The following PCDH9 variants were observed in gnomAD, a reference collection of about 807,000 sequenced individuals.
PCDH9 encodes protocadherin-9.
Under a neutral mutation model 70.6 loss-of-function variants are expected in PCDH9, and 24 were observed. That is an observed-to-expected ratio of 0.34 (90% confidence interval 0.25 to 0.48). The LOEUF is 0.48. Ranked by LOEUF, PCDH9 falls within the 20% of genes least tolerant of loss-of-function variation. The pLI, the probability that PCDH9 is intolerant of heterozygous loss-of-function variation, is 0.99. For missense variants in PCDH9, 1,281 were observed against 1,503.6 expected (o/e 0.85, Z 2.45); for synonymous variants, 562 against 558.5 (o/e 1.01, Z -0.09).
intron 2 of PCDH9, among the ~76,000 whole-genome samples, chr13:66,986,175 A>C (rs1006324282): frequency 2.8e-4 from 43 of 152,000 alleles, no homozygotes; most frequent in African/African-American, 9.9e-4. Flanking sequence ...TGCTGATCCA[A>C]GGGGGAAAAG....
At chr13:67,055,361 A>C (rs1461801533) in intron 2 of PCDH9, among the ~76,000 whole-genome samples, 1 of 152,224 alleles carries the variant, frequency 6.6e-6, no homozygotes, top group South Asian at 2.1e-4. Context: ...TAAGATAGTT[A>C]CATGTATATT....
chr13:67,116,951 T>C (rs761907658), intron 2 of PCDH9, among the ~76,000 whole-genome samples: 2 of 152,178 alleles, frequency 1.3e-5, no homozygotes, highest in Non-Finnish European at 2.9e-5. Flanking sequence ...GGCCAAATTT[T>C]ATTCACGACT....
intron 3 of PCDH9, among the ~76,000 whole-genome samples, chr13:66,776,995 T>A (rs888921636): frequency 5.3e-5 from 8 of 151,500 alleles, no homozygotes; most frequent in African/African-American, 1.9e-4. Flanking sequence ...AACTATCTGA[T>A]CTTTGACAAA....
At chr13:66,530,837 T>G (rs1960419373) in intron 4 of PCDH9, among the ~76,000 whole-genome samples, 1 of 152,116 alleles carries the variant, frequency 6.6e-6, no homozygotes, top group Admixed American at 6.6e-5. Flanking sequence ...CACTAACTGC[T>G]GAAATATATA....
At chr13:66,322,663 T>A (rs980842801) in intron 4 of PCDH9, among the ~76,000 whole-genome samples, 2 of 152,046 alleles carry the variant, frequency 1.3e-5, no homozygotes, top group African/African-American at 4.8e-5. Context: ...ACTTGTTTTT[T>A]CAGATAGAAA....
At chr13:66,877,864 T>C (rs762797987) in intron 3 of PCDH9, among the ~76,000 whole-genome samples, 1 of 152,164 alleles carries the variant, frequency 6.6e-6, no homozygotes, top group Non-Finnish European at 1.5e-5. Context: ...CAGTAAAAAA[T>C]AGGGAACACT....
chr13:66,928,230 T>C (rs1244583890), intron 2 of PCDH9, among the ~76,000 whole-genome samples: 2 of 152,044 alleles, frequency 1.3e-5, no homozygotes, highest in Non-Finnish European at 2.9e-5. Context: ...AAGAGAAATA[T>C]TCTGATTTTT....
intron 3 of PCDH9, among the ~76,000 whole-genome samples, chr13:66,812,360 T>A (rs1022836977): frequency 3.3e-5 from 5 of 151,934 alleles, no homozygotes; most frequent in African/African-American, 7.3e-5. Flanking sequence ...CAAAAAAAAA[T>A]CCTGGAAGGA....
At chr13:66,323,098 A>C (rs1420270176) in intron 4 of PCDH9, 1 of 152,066 alleles carries the variant, frequency 6.6e-6, no homozygotes, top group Non-Finnish European at 1.5e-5. Context: ...CAAGATTAGC[A>C]GTGCAGATGT....
intron 3 of PCDH9, among the ~76,000 whole-genome samples, chr13:66,679,972 A>G (rs565231818): frequency 6.6e-6 from 1 of 152,110 alleles, no homozygotes; most frequent in South Asian, 2.1e-4. Flanking sequence ...ACTACTAAAA[A>G]ATTCTGATAA....
chr13:66,391,887 T>TATAG (rs1957024508), intron 4 of PCDH9, among the ~76,000 whole-genome samples: 1 of 142,864 alleles, frequency 7.0e-6, no homozygotes, highest in Non-Finnish European at 1.5e-5. Context: ...TATATGCATA[T>TATAG]ATATATATAT....
rs182693534 is a variant in PCDH9 at position 66,962,546 on chromosome 13, G to T, written c.3037-58941C>A. Among the ~76,000 whole-genome samples, 44 of 152,322 alleles carry T rather than the reference G, an allele frequency of 2.9e-4. No individual in the cohort carries two copies. In the East Asian group the frequency reaches 8.1e-3, roughly 28 times the overall value. Reference sequence around the variant, plus strand: ...CCTAGGTTATATGGTATAGGCTATTGCTTCTAGCCTACAAAACCTAGTGTT... The same window carrying T: ...CCTAGGTTATATGGTATAGGCTATTTCTTCTAGCCTACAAAACCTAGTGTT... On this transcript the variant is annotated intron_variant, in intron 2 of 4. Transcript: ENST00000377865.
intron 4 of PCDH9, among the ~76,000 whole-genome samples, chr13:66,610,499 A>G (rs1242089188): frequency 6.6e-6 from 1 of 152,170 alleles, no homozygotes; most frequent in Non-Finnish European, 1.5e-5. Flanking sequence ...AATTGATAGA[A>G]TATAGGCCAA....
intron 2 of PCDH9, among the ~76,000 whole-genome samples, chr13:67,028,829 A>G (rs260144): frequency 0.023 from 3,537 of 152,242 alleles, 133 homozygotes; most frequent in African/African-American, 0.079. Flanking sequence ...TGAATAATCT[A>G]TAAATTTAAA....
intron 2 of PCDH9, chr13:66,914,903 A>T (rs1316887036): frequency 6.6e-6 from 1 of 151,778 alleles, no homozygotes; most frequent in Non-Finnish European, 1.5e-5. Context: ...AGATAGTGTT[A>T]TTTCTACAAT....
At chr13:66,396,115 A>G (rs1376845792) in intron 4 of PCDH9, among the ~76,000 whole-genome samples, 1 of 152,170 alleles carries the variant, frequency 6.6e-6, no homozygotes, top group Non-Finnish European at 1.5e-5. Context: ...AAGTTAGTAT[A>G]ATCAAGAGGA....
intron 2 of PCDH9, among the ~76,000 whole-genome samples, chr13:67,080,899 C>T (rs561519186): frequency 6.6e-6 from 1 of 152,088 alleles, no homozygotes; most frequent in Non-Finnish European, 1.5e-5. Flanking sequence ...TAAAAAAACA[C>T]ACTCATGAAA....
chr13:66,474,810 A>C (rs1958689909), intron 4 of PCDH9, among the ~76,000 whole-genome samples: 1 of 151,996 alleles, frequency 6.6e-6, no homozygotes, highest in Non-Finnish European at 1.5e-5. Context: ...CTTTCTTCCA[A>C]ATGTGAAATT....
chr13:66,543,449 C>T (rs1961052087), intron 4 of PCDH9, among the ~76,000 whole-genome samples: 1 of 151,944 alleles, frequency 6.6e-6, no homozygotes, highest in South Asian at 2.1e-4. Flanking sequence ...CTCCTGTAAC[C>T]CCAGCTACTT....
Sources: allele counts gnomAD v4.1 joint callset (sites outside exome capture counted in the v4.1 genomes callset), GRCh38; gene constraint gnomAD v4.1.1; transcripts MANE v1.5; gene names NCBI Gene and HGNC (gene_info 2026-07-23, HGNC 2026-07-21).